The following ANXA7 variants were observed in gnomAD, a reference collection of about 807,000 sequenced individuals.
ANXA7 encodes the protein annexin VII.
ANXA7 carries 55 observed loss-of-function variants against 64.9 expected under a neutral mutation model. That is an observed-to-expected ratio of 0.85 (90% CI 0.68 to 1.06). The LOEUF (loss-of-function observed/expected upper bound fraction) is 1.06, where lower values mean the gene tolerates loss of function less well. ANXA7 is among the 50% of genes least tolerant of loss of function. The probability of loss-of-function intolerance (pLI) is 0.00; values close to 1 mark genes in which losing one functional copy is unlikely to be tolerated. For synonymous variants in ANXA7, 200 were observed against 192.4 expected (o/e 1.04, Z -0.33); for missense variants, 548 against 582.1 (o/e 0.94, Z 0.60).
intron 5 of ANXA7, among the ~76,000 whole-genome samples, chr10:73,393,749 A>G (rs991460441): frequency 1.3e-5 from 2 of 152,250 alleles, no homozygotes; most frequent in African/African-American, 4.8e-5. Context: ...CTAAAACCAT[A>G]AAAACCCTAG....
At position 73,398,199 on chromosome 10, in the gene ANXA7, C is replaced by T; in HGVS notation, c.241G>A (p.Ala81Thr). ...GYPGAPQPGG[A>T]PSYPGVPPGQ... is the part of the protein sequence containing the mutation. ...AACTCACCTCCGGGATAGGATGGAG[C>T]TCCCCCTGGCTGTGGGGCACCAGGA... The change falls in exon 3 of 13, where the codon GCT becomes ACT. Residue 81 changes from alanine to threonine, a missense_variant. Ala to Thr is a moderately conservative substitution (Grantham distance 58). Transcript: ENST00000372921. 6.2e-7 allele frequency: 1 copy of T among 1,612,380 alleles called. No individual in the cohort carries two copies. The highest frequency in any genetic ancestry group is 8.5e-7 in the Non-Finnish European group (1 of 1,178,946).
intron 1 of ANXA7, among the ~76,000 whole-genome samples, chr10:73,412,981 GA>G (rs1251295403): frequency 2.0e-5 from 3 of 151,948 alleles, no homozygotes; most frequent in Admixed American, 1.3e-4. Context: ...ATTTATGGGG[GA>G]AAAAATACAC....
chr10:73,376,508 A>G (rs1300665094), intron 12 of ANXA7, among the ~76,000 whole-genome samples: 1 of 152,220 alleles, frequency 6.6e-6, no homozygotes, highest in Non-Finnish European at 1.5e-5. Flanking sequence ...AACCAAAAAA[A>G]TAGTAAGTAT....
chr10:73,409,952 G>A (rs570688209), intron 1 of ANXA7, among the ~76,000 whole-genome samples: 12 of 152,172 alleles, frequency 7.9e-5, no homozygotes, highest in Middle Eastern at 3.4e-3. Flanking sequence ...TGGGAAAACT[G>A]GCAAGCCACA....
intron 1 of ANXA7, among the ~76,000 whole-genome samples, chr10:73,407,041 T>G (rs2055768342): frequency 6.6e-6 from 1 of 152,166 alleles, no homozygotes; most frequent in Non-Finnish European, 1.5e-5. Flanking sequence ...GTCTCCTCTC[T>G]TCCTTCTTTG....
intron 5 of ANXA7, among the ~76,000 whole-genome samples, chr10:73,388,693 A>G (rs987443716): frequency 6.6e-6 from 1 of 152,184 alleles, no homozygotes; most frequent in African/African-American, 2.4e-5. Context: ...CAATCTTACT[A>G]TAGTTTCCTT....
rs776259280 is a variant in ANXA7 at position 73,383,337 on chromosome 10, T to A, written c.756A>T (p.Gly252=). ...TCTCAATCAATACACGTTCCTGAGT[T>A]CCTGCTCCCTACATGAAATGAAGGG... ...WSLRKAMQGA[G]TQERVLIEIL... The change falls in exon 9 of 13, where the codon GGA becomes GGT. Residue 252 remains glycine, a synonymous_variant. Coordinates refer to ENST00000372921, the MANE Select transcript of ANXA7 (RefSeq NM_001156.5). 6.2e-7 allele frequency: 1 copy of A among 1,610,260 alleles called. No homozygotes were observed. Among genetic ancestry groups the A allele is most frequent in the Non-Finnish European group, 8.5e-7 (1 of 1,177,970 alleles).
chr10:73,377,771 TGG>T (rs1431288739), intron 12 of ANXA7, among the ~76,000 whole-genome samples: 16 of 138,230 alleles, frequency 1.2e-4, no homozygotes, highest in African/African-American at 4.5e-4. Context: ...GGGGTGGGTG[TGG>T]GTGTGTGTGT....
At chr10:73,377,767 G>GGGGTGGGGGGGT (rs2055199395) in intron 12 of ANXA7, among the ~76,000 whole-genome samples, 1 of 114,204 alleles carries the variant, frequency 8.8e-6, no homozygotes, top group African/African-American at 4.6e-5. Flanking sequence ...CCGGGGGGTG[G>GGGGTGGGGGGGT]GTGTGGGTGT....
intron 4 of ANXA7, 88 bp downstream of exon 4, chr10:73,397,076 A>C: frequency 1.9e-6 from 1 of 533,328 alleles, no homozygotes; most frequent in Non-Finnish European, 3.2e-6. Flanking sequence ...ATTGCAGATT[A>C]TCTCAAATAT....
At chr10:73,387,929 G>A (rs1184842039) in intron 6 of ANXA7, 146 bp from the exon 7 acceptor site, 3 of 643,290 alleles carry the variant, frequency 4.7e-6, no homozygotes, top group Non-Finnish European at 5.4e-6. Context: ...TAGGCTGACT[G>A]CAATCTCCAC....
intron 5 of ANXA7, among the ~76,000 whole-genome samples, chr10:73,394,133 GAGAAAT>G (rs2055531577): frequency 6.6e-6 from 1 of 152,200 alleles, no homozygotes; most frequent in African/African-American, 2.4e-5. Flanking sequence ...CTGGCCATCA[GAGAAAT>G]GCAAATCAAA....
At chr10:73,387,626 T>C in intron 7 of ANXA7, 63 bp downstream of exon 7, 1 of 1,274,982 alleles carries the variant, frequency 7.8e-7, no homozygotes, top group Non-Finnish European at 1.1e-6. Context: ...TAGTATCCAA[T>C]CTGACATGAA....
chr10:73,377,790 G>GTGTGTGTC, intron 12 of ANXA7, among the ~76,000 whole-genome samples: 1 of 149,146 alleles, frequency 6.7e-6, no homozygotes, highest in African/African-American at 2.5e-5. Context: ...GTGTGTGTGT[G>GTGTGTGTC]TGTGTGTGTG....
rs2055162794 is a variant in ANXA7 at position 73,375,999 on chromosome 10, G to A, written c.*96C>T. ...CGGTCCTTGACAGAAAGCTCTTTCG[G>A]TTAGCTGATGTTTGATATTGCTGCA... On this transcript the variant is annotated 3_prime_UTR_variant, in exon 13 of 13. Coordinates refer to ENST00000372921, the MANE Select transcript of ANXA7 (RefSeq NM_001156.5). 8 of 1,080,492 alleles carry A rather than the reference G, an allele frequency of 7.4e-6. No individual in the cohort carries two copies. In the South Asian group the frequency reaches 1.5e-4, roughly 20 times the overall value. 66.9% of individuals were successfully genotyped at this position (1,080,492 alleles called of 1,614,324 possible).
At chr10:73,401,972 A>G (rs1247497953) in intron 1 of ANXA7, among the ~76,000 whole-genome samples, 1 of 152,218 alleles carries the variant, frequency 6.6e-6, no homozygotes, top group South Asian at 2.1e-4. Flanking sequence ...AAATATCAGC[A>G]TACTTTTAAA....
At chr10:73,386,281 G>A (rs1342692274) in intron 7 of ANXA7, among the ~76,000 whole-genome samples, 1 of 151,756 alleles carries the variant, frequency 6.6e-6, no homozygotes, top group Non-Finnish European at 1.5e-5. Flanking sequence ...AGGAACAATG[G>A]CATTTTTTAG....
chr10:73,404,810 C>T (rs1013695771), intron 1 of ANXA7, among the ~76,000 whole-genome samples: 1 of 150,492 alleles, frequency 6.6e-6, no homozygotes, highest in East Asian at 1.9e-4. Context: ...AAAAGAATAC[C>T]CTCTTAGCCT....
intron 5 of ANXA7, among the ~76,000 whole-genome samples, chr10:73,389,959 T>G (rs1231946282): frequency 6.6e-6 from 1 of 152,174 alleles, no homozygotes; most frequent in African/African-American, 2.4e-5. Flanking sequence ...AAGTCAGGGC[T>G]TAAGAGGGAT....
Sources: allele counts gnomAD v4.1 joint callset (sites outside exome capture counted in the v4.1 genomes callset), GRCh38; gene constraint gnomAD v4.1.1; transcripts MANE v1.5; gene names NCBI Gene and HGNC (gene_info 2026-07-23, HGNC 2026-07-21).